C10orf67: variants seen among roughly 807,000 people sequenced by gnomAD.
C10orf67 encodes uncharacterized protein C10orf67, mitochondrial.
C10orf67 carries 60 observed loss-of-function variants against 35.6 expected under a neutral mutation model. The observed-to-expected ratio is 1.68, with a 90% CI of 1.37 to 2.09. The LOEUF is 2.09. C10orf67 is among the 30% of genes most tolerant of loss of function. C10orf67 has a pLI of 0.00. For synonymous variants in C10orf67, 167 were observed against 115.8 expected, an observed-to-expected ratio of 1.44 and a Z score of -2.84; for missense variants, 474 against 330.2, an observed-to-expected ratio of 1.44 and a Z score of -3.38.
At chr10:23,224,257 C>G (rs890920577) in intron 13 of C10orf67, among the ~76,000 whole-genome samples, 1 of 152,174 alleles carries the variant, frequency 6.6e-6, no homozygotes, top group Non-Finnish European at 1.5e-5. Flanking sequence ...TGCTGATACC[C>G]GGGTAAACAG....
chr10:23,306,739 C>T (rs937605893), intron 4 of C10orf67, among the ~76,000 whole-genome samples: 2 of 151,952 alleles, frequency 1.3e-5, no homozygotes, highest in Non-Finnish European at 2.9e-5. Context: ...TTACTGCCAC[C>T]GCCCCCCACC....
At chr10:23,215,109 T>C (rs1416027855) in intron 15 of C10orf67, among the ~76,000 whole-genome samples, 1 of 152,136 alleles carries the variant, frequency 6.6e-6, no homozygotes, top group Non-Finnish European at 1.5e-5. Flanking sequence ...CAAGTTTATT[T>C]CAATGTATCT....
chr10:23,325,479 A>T (rs1000307802), intron 2 of C10orf67, among the ~76,000 whole-genome samples: 1 of 151,278 alleles, frequency 6.6e-6, no homozygotes, highest in Non-Finnish European at 1.5e-5. Context: ...GGCTGCTAAA[A>T]AAAAAAAAAA....
rs1845567161 is a variant in C10orf67, at chr10:23,333,799, T to G, written c.207-617A>C. On this transcript the variant is annotated intron_variant, in intron 1 of 15. Coordinates refer to ENST00000636213, the MANE Select transcript of C10orf67 (RefSeq NM_001371909.1). ...AACAGTGACACTCTTCTCATGAAAG[T>G]TTTTGTTTTAGAACAATACAGCTAG... Among the ~76,000 whole-genome samples, 3 of 152,082 alleles carry G rather than the reference T, an allele frequency of 2.0e-5. No individual in the cohort carries two copies. The South Asian group carries it at 6.2e-4, about 32-fold the overall frequency.
intron 5 of C10orf67, among the ~76,000 whole-genome samples, chr10:23,298,990 G>A (rs968359476): frequency 2.0e-5 from 3 of 152,254 alleles, no homozygotes; most frequent in Non-Finnish European, 4.4e-5. Flanking sequence ...TGAGACATTG[G>A]GTTTGAAGGA....
At chr10:23,229,224 G>T (rs546434895) in intron 13 of C10orf67, among the ~76,000 whole-genome samples, 1 of 151,814 alleles carries the variant, frequency 6.6e-6, no homozygotes, top group East Asian at 1.9e-4. Context: ...GAAAATGTGG[G>T]ACATATACAC....
At chr10:23,229,349 C>T (rs1046041403) in intron 13 of C10orf67, among the ~76,000 whole-genome samples, 5 of 146,744 alleles carry the variant, frequency 3.4e-5, no homozygotes, top group African/African-American at 7.6e-5. Flanking sequence ...AACCAAACAC[C>T]GCATGTTCTC....
intron 9 of C10orf67, 28 bp downstream of exon 9, chr10:23,267,167 G>A (rs908019221): frequency 1.4e-6 from 1 of 702,416 alleles, no homozygotes; most frequent in African/African-American, 1.8e-5. Context: ...AAAAGAGAAA[G>A]AGAGAGAGAA....
chr10:23,307,685 A>G (rs1588676538), intron 4 of C10orf67, among the ~76,000 whole-genome samples: 1 of 150,070 alleles, frequency 6.7e-6, no homozygotes. Context: ...GCTCACTGCA[A>G]CCTCCGCTTT....
intron 4 of C10orf67, among the ~76,000 whole-genome samples, chr10:23,305,143 A>C (rs578020713): frequency 6.6e-6 from 1 of 152,360 alleles, no homozygotes; most frequent in Non-Finnish European, 1.5e-5. Context: ...TAGTTAGTGA[A>C]GAATCAGGCA....
intron 15 of C10orf67, among the ~76,000 whole-genome samples, chr10:23,217,149 G>T (rs1841452881): frequency 6.6e-6 from 1 of 152,052 alleles, no homozygotes; most frequent in East Asian, 1.9e-4. Context: ...CCATGTGATT[G>T]TTTATTTGAA....
At chr10:23,257,434 G>T (rs1328733681) in intron 10 of C10orf67, among the ~76,000 whole-genome samples, 1 of 152,094 alleles carries the variant, frequency 6.6e-6, no homozygotes, top group Non-Finnish European at 1.5e-5. Flanking sequence ...ATAAGCTGAG[G>T]GTAGAGTGGT....
At chr10:23,224,725 A>G (rs1841687341) in intron 13 of C10orf67, among the ~76,000 whole-genome samples, 1 of 152,230 alleles carries the variant, frequency 6.6e-6, no homozygotes, top group Non-Finnish European at 1.5e-5. Context: ...GAACTACGTG[A>G]CGAATGCAGA....
At chr10:23,308,931 G>T (rs1844390039) in intron 4 of C10orf67, among the ~76,000 whole-genome samples, 1 of 151,856 alleles carries the variant, frequency 6.6e-6, no homozygotes, top group Admixed American at 6.6e-5. Context: ...CTTAGCACCG[G>T]TCTCCCACCC....
intron 15 of C10orf67, among the ~76,000 whole-genome samples, chr10:23,210,973 T>C (rs140913979): frequency 7.5e-4 from 114 of 152,316 alleles, no homozygotes; most frequent in African/African-American, 2.7e-3. Flanking sequence ...TTTGGAATAG[T>C]GGGTATCAAT....
At chr10:23,239,608 G>T (rs550360549) in intron 13 of C10orf67, 121 bp downstream of exon 13, 6 of 499,122 alleles carry the variant, frequency 1.2e-5, no homozygotes, top group Non-Finnish European at 2.3e-5. Context: ...AGCAGTGACT[G>T]CCTTGTACTA....
intron 8 of C10orf67, among the ~76,000 whole-genome samples, chr10:23,268,132 T>TA (rs941754769): frequency 2.7e-4 from 41 of 151,744 alleles, no homozygotes; most frequent in Non-Finnish European, 4.6e-4. Flanking sequence ...CTATAAAAAA[T>TA]AAAAAAATAA....
intron 4 of C10orf67, among the ~76,000 whole-genome samples, 153 bp from the exon 5 acceptor site, chr10:23,303,612 C>T (rs931127878): frequency 6.6e-6 from 1 of 152,168 alleles, no homozygotes; most frequent in Non-Finnish European, 1.5e-5. Flanking sequence ...ATTTTTGTAA[C>T]CTGCATACAA....
At chr10:23,331,165 G>A (rs1174895980) in intron 2 of C10orf67, among the ~76,000 whole-genome samples, 1 of 148,734 alleles carries the variant, frequency 6.7e-6, no homozygotes, top group Non-Finnish European at 1.5e-5. Context: ...GGGAAGGGAA[G>A]GGAACCGGGA....
Sources: gnomAD v4.1 joint callset for allele counts (sites outside exome capture counted in the v4.1 genomes callset) on GRCh38, gnomAD v4.1.1 for gene constraint, MANE v1.5 for transcripts, NCBI Gene and HGNC (gene_info 2026-07-23, HGNC 2026-07-21) for gene names.